The following CNOT2 variants were observed in gnomAD, a reference collection of about 807,000 sequenced individuals.
CNOT2 encodes the protein CC chemokine receptor 4-negative regulator of transcription 2.
CNOT2 carries 7 observed loss-of-function variants against 72.1 expected under a neutral mutation model. The ratio of observed to expected loss-of-function variants is 0.10; its 90% CI spans 0.06 to 0.18. The LOEUF is 0.18. CNOT2 is among the 10% of genes least tolerant of loss of function. The pLI, the probability that CNOT2 is intolerant of heterozygous loss-of-function variation, is 1.00. For missense variants in CNOT2, 345 were observed against 660.3 expected, an observed-to-expected ratio of 0.52 and a Z score of 5.23; for synonymous variants, 196 against 225.6, an observed-to-expected ratio of 0.87 and a Z score of 1.17.
chr12:70,328,238 G>C (rs1271267278), intron 4 of CNOT2, among the ~76,000 whole-genome samples: 1 of 151,898 alleles, frequency 6.6e-6, no homozygotes, highest in Admixed American at 6.6e-5. Context: ...CCAAATTTAA[G>C]ATAACGATCA....
chr12:70,287,411 A>T (rs1296411466), intron 2 of CNOT2, among the ~76,000 whole-genome samples: 1 of 149,386 alleles, frequency 6.7e-6, no homozygotes, highest in African/African-American at 2.4e-5. Context: ...AGGGTTTGTT[A>T]TACTGTTCTT....
chr12:70,337,581 A>C, intron 9 of CNOT2, 68 bp downstream of exon 9: 1 of 1,424,508 alleles, frequency 7.0e-7, no homozygotes, highest in Admixed American at 1.7e-5. Context: ...TATATTAACA[A>C]TTACTTACTA....
intron 1 of CNOT2, among the ~76,000 whole-genome samples, chr12:70,276,780 C>T (rs1401266747): frequency 6.6e-6 from 1 of 151,886 alleles, no homozygotes; most frequent in Non-Finnish European, 1.5e-5. Context: ...TCAATAATTA[C>T]AATTTTGTCA....
intron 1 of CNOT2, among the ~76,000 whole-genome samples, chr12:70,270,782 T>G (rs986555263): frequency 6.6e-6 from 1 of 152,236 alleles, no homozygotes; most frequent in African/African-American, 2.4e-5. Flanking sequence ...GTTAGTTATA[T>G]GCCTAACAAG....
chr12:70,249,119 G>A (rs1958021053), intron 1 of CNOT2, among the ~76,000 whole-genome samples: 1 of 152,030 alleles, frequency 6.6e-6, no homozygotes, highest in South Asian at 2.1e-4. Flanking sequence ...AATACAATGT[G>A]TTTGAGAGAG....
intron 2 of CNOT2, chr12:70,278,489 C>T: frequency 2.3e-6 from 1 of 438,328 alleles, no homozygotes; most frequent in Non-Finnish European, 4.0e-6. Context: ...TTTTTAGTGT[C>T]AAATCAGGTT....
At chr12:70,329,115 T>G (rs1879541107) in intron 4 of CNOT2, among the ~76,000 whole-genome samples, 1 of 151,940 alleles carries the variant, frequency 6.6e-6, no homozygotes, top group Non-Finnish European at 1.5e-5. Flanking sequence ...AAATAGGCCT[T>G]TAAGAAATTT....
chr12:70,255,395 A>T (rs141639836), intron 1 of CNOT2, among the ~76,000 whole-genome samples: 216 of 152,246 alleles, frequency 1.4e-3, no homozygotes, highest in Non-Finnish European at 2.8e-3. Flanking sequence ...TCTTGTGCAT[A>T]TGTGTATGAA....
chr12:70,336,038 G>A (rs1260736939), intron 8 of CNOT2: 1 of 154,412 alleles, frequency 6.5e-6, no homozygotes, highest in African/African-American at 2.4e-5. Context: ...GAGGAGATGT[G>A]GGGGGCTATT....
At position 70,342,417 on chromosome 12, in the gene CNOT2, G is replaced by A. The variant is rs561170076; in HGVS notation, c.1290+110G>A. ...TGAAATAATTAGTAATGGTCTCAGG[G>A]ATATGCTTTCATATGTCCATGTTAA... On this transcript the variant is annotated intron_variant, in intron 13 of 15. Transcript: ENST00000229195. 2.4e-6 allele frequency: 3 copies of A among 1,260,598 alleles called. No individual in the cohort carries two copies. The East Asian group carries it at 7.1e-5, about 30-fold the overall frequency. 78.1% of individuals were successfully genotyped at this position (1,260,598 alleles called of 1,614,324 possible).
chr12:70,330,337 G>T lies in CNOT2; in HGVS notation c.437G>T (p.Gly146Val), dbSNP rs753429700. 8.1e-6 allele frequency: 13 copies of T among 1,610,904 alleles called. No homozygotes were observed. Among genetic ancestry groups the T allele is most frequent in the Non-Finnish European group, 1.0e-5 (12 of 1,177,870 alleles). ...AATATGATGAACCACTCCCAGGTTG[G>T]TCAGGGCATTGGAATTCCTAGCAGG... ...PRNMMNHSQV[G>V]QGIGIPSRTN... Residue 146 changes from glycine (G) to valine (V), a missense_variant, in exon 6 of 16, where the codon GGT (glycine) becomes GTT (valine). Coordinates refer to ENST00000229195, the MANE Select transcript of CNOT2 (RefSeq NM_014515.7).
At chr12:70,315,037 T>C (rs1565803217) in intron 3 of CNOT2, among the ~76,000 whole-genome samples, 1 of 152,000 alleles carries the variant, frequency 6.6e-6, no homozygotes, top group Admixed American at 6.6e-5. Flanking sequence ...CTAATTTTTG[T>C]ATTTTTAGTA....
chr12:70,298,708 G>A (rs1292905774), intron 2 of CNOT2, among the ~76,000 whole-genome samples: 8 of 152,122 alleles, frequency 5.3e-5, no homozygotes, highest in South Asian at 2.1e-4. Context: ...TTAAGTAGCC[G>A]TATCAGCATA....
intron 6 of CNOT2, 132 bp downstream of exon 6, chr12:70,330,601 A>T (rs947002107): frequency 9.6e-6 from 5 of 521,900 alleles, no homozygotes; most frequent in Non-Finnish European, 1.7e-5. Context: ...TTTATGTCCA[A>T]AGATTCTGTT....
intron 1 of CNOT2, among the ~76,000 whole-genome samples, chr12:70,250,464 T>G (rs1958087781): frequency 6.6e-6 from 1 of 152,096 alleles, no homozygotes. Flanking sequence ...TGCTTGACAT[T>G]GTTATTGGAT....
At chr12:70,288,245 G>A (rs1871261056) in intron 2 of CNOT2, among the ~76,000 whole-genome samples, 1 of 127,226 alleles carries the variant, frequency 7.9e-6, no homozygotes, top group African/African-American at 2.7e-5. Context: ...CCTGGTTCAA[G>A]CAATTCTCCT....
chr12:70,248,256 A>C (rs968643416), intron 1 of CNOT2, among the ~76,000 whole-genome samples: 3 of 152,170 alleles, frequency 2.0e-5, no homozygotes, highest in African/African-American at 7.2e-5. Flanking sequence ...CCCATTGGTT[A>C]GTAGAAAGCA....
chr12:70,244,235 G>C (rs1182743819), intron 1 of CNOT2: 1 of 152,198 alleles, frequency 6.6e-6, no homozygotes, highest in East Asian at 1.9e-4. Flanking sequence ...TGATCCTGGG[G>C]CGGCGGAGGA....
At chr12:70,337,660 T>C in intron 9 of CNOT2, 147 bp downstream of exon 9, 2 of 883,288 alleles carry the variant, frequency 2.3e-6, no homozygotes, top group Non-Finnish European at 1.8e-6. Context: ...GTGGAAAAGC[T>C]TTATAACTTA....
Sources: allele counts gnomAD v4.1 joint callset (sites outside exome capture counted in the v4.1 genomes callset), GRCh38; gene constraint gnomAD v4.1.1; transcripts MANE v1.5; gene names NCBI Gene and HGNC (gene_info 2026-07-23, HGNC 2026-07-21).